Variants in EVI5L observed in about 807,000 individuals in gnomAD.
The protein encoded by EVI5L is ecotropic viral integration site 5 like, also known as EVI5-like protein.
Under a neutral mutation model 106.1 loss-of-function variants are expected in EVI5L, and 30 were observed. The ratio of observed to expected loss-of-function variants is 0.28; its 90% confidence interval spans 0.21 to 0.38. EVI5L has a LOEUF of 0.38. Among genes scored for constraint, EVI5L ranks in the 10% least tolerant of loss-of-function variants. EVI5L has a pLI of 1.00. For missense variants in EVI5L, 809 were observed against 1,098.0 expected (o/e 0.74, Z 3.72); for synonymous variants, 489 against 483.3 (o/e 1.01, Z -0.15).
Position 7,845,596 on chromosome 19 carries a change from A to AG in EVI5L, c.-47-899dup, listed in dbSNP as rs1423252805. Among the ~76,000 whole-genome samples the AG allele has an allele frequency of 6.6e-6, 1 of 152,202 alleles. No individual in the cohort carries two copies. The highest frequency in any genetic ancestry group is 1.5e-5 in the Non-Finnish European group (1 of 68,016). ...AGTGTACGGAGGCTCAGAGACACCA[A>AG]GTGACTGGCCCAAGGTCACACAGCT... On this transcript the variant is annotated intron_variant, in intron 1 of 19. Coordinates refer to ENST00000538904, the MANE Select transcript of EVI5L (RefSeq NM_001159944.3). This position sits in a 1 kb window ranked among gnomAD's most constrained non-coding sequence, Gnocchi z 4.0.
At chr19:7,855,244 T>C (rs1216004639) in intron 10 of EVI5L, among the ~76,000 whole-genome samples, 2 of 151,880 alleles carry the variant, frequency 1.3e-5, no homozygotes, top group East Asian at 3.9e-4. Context: ...GCCTCCCCTG[T>C]AGCTGGGATT....
Position 7,858,369 on chromosome 19 carries a change from G to T in EVI5L, c.1374+38G>T. The T allele has an allele frequency of 1.3e-6, 2 of 1,520,718 alleles. No homozygotes were observed. The highest frequency in any genetic ancestry group is 1.2e-5 in the South Asian group (1 of 81,780). 94.2% of individuals were successfully genotyped at this position (1,520,718 alleles called of 1,614,324 possible). A position where few individuals can be genotyped will look rare whatever the true frequency, so the allele number is the denominator to read the frequency against. On this transcript the variant is annotated intron_variant, in intron 13 of 19. Coordinates refer to ENST00000538904, the MANE Select transcript of EVI5L (RefSeq NM_001159944.3). The surrounding 1 kb of genome is among the most constrained non-coding windows in gnomAD (Gnocchi z 5.7). ...GTGCGGGGCTGCTGGGCGGGGCCATGACCCGCGCCCCCGCCCCCGCCCAAC... is the reference window on the plus strand; with the variant it reads ...GTGCGGGGCTGCTGGGCGGGGCCATTACCCGCGCCCCCGCCCCCGCCCAAC...
At chr19:7,831,426 C>T (rs894493017) in intron 1 of EVI5L, among the ~76,000 whole-genome samples, 14 of 152,052 alleles carry the variant, frequency 9.2e-5, no homozygotes, top group Non-Finnish European at 1.5e-4. Flanking sequence ...ACAGCTCCCC[C>T]AGCTCAAGCA....
chr19:7,846,343 G>T (rs1978945695), intron 1 of EVI5L, among the ~76,000 whole-genome samples, 153 bp from the exon 2 acceptor site: 1 of 152,216 alleles, frequency 6.6e-6, no homozygotes, highest in African/African-American at 2.4e-5. Flanking sequence ...CAGCATGGCT[G>T]TCAGCTGGGC....
In EVI5L at chr19:7,858,159, C is replaced by A; in HGVS notation, c.1234-32C>A. On this transcript the variant is annotated intron_variant, in intron 12 of 19. Transcript: ENST00000538904. The surrounding 1 kb of genome is among the most constrained non-coding windows in gnomAD (Gnocchi z 5.7). ...TTGGGTGGGAGCCGAGGGTCACGGC[C>A]TCCCCCTGCCCCCTGTCCTCGCTGT... 6.5e-7 allele frequency: 1 copy of A among 1,544,838 alleles called. No individual in the cohort carries two copies.
intron 17 of EVI5L, 92 bp downstream of exon 17, chr19:7,862,626 T>A: frequency 8.8e-7 from 1 of 1,141,060 alleles, no homozygotes; most frequent in Non-Finnish European, 1.1e-6. Flanking sequence ...TCTGCCGGCG[T>A]CCTGCCTCCC....
At chr19:7,839,624 C>T (rs1444753626) in intron 1 of EVI5L, among the ~76,000 whole-genome samples, 1 of 151,840 alleles carries the variant, frequency 6.6e-6, no homozygotes, top group African/African-American at 2.4e-5. Flanking sequence ...TGGCAGGCGC[C>T]ATCAAGACAG....
chr19:7,856,985 T>C lies in EVI5L; in HGVS notation c.1201-107T>C. ...CTCTCTCCCCCGCTTCTAGAGATAG[T>C]CCACTGCGTTAGTGACAAGTGGTTC... On this transcript the variant is annotated intron_variant, in intron 11 of 19. Transcript: ENST00000538904. This position sits in a 1 kb window ranked among gnomAD's most constrained non-coding sequence, Gnocchi z 6.6. The C allele has an allele frequency of 1.8e-6, 2 of 1,132,492 alleles. No individual in the cohort carries two copies. Among genetic ancestry groups the C allele is most frequent in the Non-Finnish European group, 2.6e-6 (2 of 766,930 alleles). The allele number at this position is 1,132,492 out of a possible 1,614,324, so 70.2% of individuals were successfully genotyped here.
Position 7,863,250 on chromosome 19 carries a change from CA to C in EVI5L, c.2111del (p.Lys704ArgfsTer7). The C allele has an allele frequency of 6.4e-7, 1 of 1,560,800 alleles. No homozygotes were observed. The highest frequency in any genetic ancestry group is 8.7e-7 in the Non-Finnish European group (1 of 1,152,626). On this transcript the variant is annotated frameshift_variant, in exon 19 of 20. Coordinates refer to ENST00000538904, the MANE Select transcript of EVI5L (RefSeq NM_001159944.3). LOFTEE classifies it high-confidence loss of function. The surrounding 1 kb of genome is among the most constrained non-coding windows in gnomAD (Gnocchi z 7.7). ...SDSSQYIREL[K>X]DQIEELKAEV... The stretch of plus-strand genomic sequence containing the variant: ...ACTCATCGCAGTACATCCGCGAGCT[CA>C]AGGACCAGATCGAGGAGCTGAAGGC...
chr19:7,851,625 G>C, intron 7 of EVI5L, 48 bp downstream of exon 7: 1 of 1,597,970 alleles, frequency 6.3e-7, no homozygotes, highest in Non-Finnish European at 8.5e-7. Context: ...CTTGGGGGTG[G>C]TTGGAACAGG....
chr19:7,853,241 G>T, intron 9 of EVI5L, 32 bp from the exon 10 acceptor site: 1 of 1,613,960 alleles, frequency 6.2e-7, no homozygotes, highest in Non-Finnish European at 8.5e-7. Flanking sequence ...CCGAGGGCAT[G>T]ACAGTAACCA....
chr19:7,859,513 GAGA>G (rs1268641393), intron 13 of EVI5L, among the ~76,000 whole-genome samples: 1 of 152,366 alleles, frequency 6.6e-6, no homozygotes, highest in South Asian at 2.1e-4. Flanking sequence ...TGCTCCTGGG[GAGA>G]AGGAGAGCTT....
chr19:7,863,148 A>G lies in EVI5L; in HGVS notation c.2044-37A>G, dbSNP rs745775340. ...AGCGGGGCCGGACCCCAGGCCCAGCATGGCACTGGCCCCGCGTGACCTGGC... is the reference window on the plus strand; with the variant it reads ...AGCGGGGCCGGACCCCAGGCCCAGCGTGGCACTGGCCCCGCGTGACCTGGC... On this transcript the variant is annotated intron_variant, in intron 18 of 19. Coordinates refer to ENST00000538904, the MANE Select transcript of EVI5L (RefSeq NM_001159944.3). This position sits in a 1 kb window ranked among gnomAD's most constrained non-coding sequence, Gnocchi z 7.7. 2.6e-6 allele frequency: 4 copies of G among 1,544,546 alleles called. No individual in the cohort carries two copies. Among genetic ancestry groups the G allele is most frequent in the South Asian group, 2.4e-5 (2 of 83,630 alleles).
chr19:7,834,172 C>A (rs1462529744), intron 1 of EVI5L, among the ~76,000 whole-genome samples: 2 of 152,106 alleles, frequency 1.3e-5, no homozygotes, highest in Admixed American at 6.6e-5. Context: ...CATGGTGAAA[C>A]CCCGTCTCTA....
In EVI5L at chr19:7,863,999, G is replaced by A. The variant is rs534389077; in HGVS notation, c.*297G>A. On this transcript the variant is annotated 3_prime_UTR_variant, in exon 20 of 20. Coordinates refer to ENST00000538904, the MANE Select transcript of EVI5L (RefSeq NM_001159944.3). This position sits in a 1 kb window ranked among gnomAD's most constrained non-coding sequence, Gnocchi z 7.7. ...GGCTGACTGCTCTCTTAACAGGAGG[G>A]CAGAGGGCAGGGGACAGACGACCCA... 74 of 388,048 alleles carry A rather than the reference G, an allele frequency of 1.9e-4. 1 individual carries two copies. The Admixed American group carries it at 2.9e-3, about 15-fold the overall frequency. The allele number at this position is 388,048 out of a possible 1,614,324, so 24.0% of individuals were successfully genotyped here.
At chr19:7,833,171 C>T (rs998737239) in intron 1 of EVI5L, among the ~76,000 whole-genome samples, 6 of 152,138 alleles carry the variant, frequency 3.9e-5, no homozygotes, top group African/African-American at 9.7e-5. Flanking sequence ...AGGGGGCAGA[C>T]GGATGAGGAG....
rs1378012719 is a variant in EVI5L, at chr19:7,856,189, C to T, written c.1200+121C>T. 4.0e-6 allele frequency: 4 copies of T among 998,624 alleles called. No homozygotes were observed. In the Admixed American group the frequency reaches 1.5e-4, roughly 38 times the overall value. 61.9% of individuals were successfully genotyped at this position (998,624 alleles called of 1,614,324 possible). A position where few individuals can be genotyped will look rare whatever the true frequency, so the allele number is the denominator to read the frequency against. ...TTCTCCTCTCTGGAGGACTAAGCAG[C>T]CCTACCTTCCTGCCCCAGGACCCGA... On this transcript the variant is annotated intron_variant, in intron 11 of 19. Coordinates refer to ENST00000538904, the MANE Select transcript of EVI5L (RefSeq NM_001159944.3). The surrounding 1 kb of genome is among the most constrained non-coding windows in gnomAD (Gnocchi z 6.6).
Position 7,863,219 on chromosome 19 carries a change from A to G in EVI5L, c.2078A>G (p.His693Arg). 6.4e-7 allele frequency: 1 copy of G among 1,562,016 alleles called. No homozygotes were observed. The highest frequency in any genetic ancestry group is 2.4e-5 in the East Asian group (1 of 42,530). ...GGCCGCATCCAGGGCCAGCTGAACC[A>G]CTCGGACTCATCGCAGTACATCCGC... ...EEGRIQGQLNHSDSSQYIREL... is the reference protein window; with the variant it reads ...EEGRIQGQLNRSDSSQYIREL... The change falls in exon 19 of 20, where the codon CAC becomes CGC. Residue 693 changes from histidine to arginine, a missense_variant. Coordinates refer to ENST00000538904, the MANE Select transcript of EVI5L (RefSeq NM_001159944.3). The surrounding 1 kb of genome is among the most constrained non-coding windows in gnomAD (Gnocchi z 7.7).
chr19:7,849,183 G>T, intron 4 of EVI5L, 38 bp downstream of exon 4: 1 of 1,612,674 alleles, frequency 6.2e-7, no homozygotes, highest in Non-Finnish European at 8.5e-7. Context: ...GGTCCCAAAG[G>T]AAGGAGAAGT....
Sources: gnomAD v4.1 joint callset for allele counts (sites outside exome capture counted in the v4.1 genomes callset) on GRCh38, gnomAD v4.1.1 for gene constraint, Gnocchi (gnomAD v3.1) non-coding constraint, MANE v1.5 for transcripts, NCBI Gene and HGNC (gene_info 2026-07-23, HGNC 2026-07-21) for gene names.